The following SMYD3 variants were observed in gnomAD, a reference collection of about 807,000 sequenced individuals.
SMYD3 encodes SET and MYND domain containing 3, also known as histone-lysine N-methyltransferase SMYD3.
In SMYD3, 36 loss-of-function variants were observed where a neutral mutation model predicts 57.7. The ratio of observed to expected loss-of-function variants is 0.62; its 90% CI spans 0.48 to 0.82. The LOEUF is 0.82. SMYD3 is among the 40% of genes least tolerant of loss of function. The pLI is 0.00. For synonymous variants in SMYD3, 211 were observed against 195.0 expected (o/e 1.08, Z -0.68); for missense variants, 515 against 538.8 (o/e 0.96, Z 0.44).
intron 5 of SMYD3, among the ~76,000 whole-genome samples, chr1:245,985,207 C>A (rs890873626): frequency 6.6e-6 from 1 of 152,126 alleles, no homozygotes; most frequent in Admixed American, 6.5e-5. Context: ...TGGGACCTGT[C>A]CTTGGCTCTC....
rs561973630 is a variant in SMYD3, at chr1:246,495,775, A to C, written c.164+11279T>G. On this transcript the variant is annotated intron_variant, in intron 1 of 11. Coordinates refer to ENST00000490107, the MANE Select transcript of SMYD3 (RefSeq NM_001167740.2). ...GAGTAAATGGCAAAACCCCATCTCT[A>C]CCAAAAATACCAAATAAAAAAAAAA... is the stretch of plus-strand genomic sequence containing the variant. Among the ~76,000 whole-genome samples the C allele has an allele frequency of 1.5e-3, 222 of 151,430 alleles. 2 individuals carry two copies. Among genetic ancestry groups the C allele is most frequent in the East Asian group, 9.8e-4 (5 of 5,118 alleles).
chr1:246,299,213 G>A (rs543626785), intron 5 of SMYD3, among the ~76,000 whole-genome samples: 8 of 152,064 alleles, frequency 5.3e-5, no homozygotes, highest in South Asian at 4.2e-4. Context: ...AAATTTTAAT[G>A]TTACATGCAG....
chr1:246,423,210 T>C (rs1257644549), intron 1 of SMYD3, among the ~76,000 whole-genome samples: 1 of 148,930 alleles, frequency 6.7e-6, no homozygotes, highest in Non-Finnish European at 1.5e-5. Flanking sequence ...GGCAGGAGAA[T>C]CACTTGAACC....
chr1:246,188,124 T>C (rs1366801661), intron 5 of SMYD3, among the ~76,000 whole-genome samples: 1 of 152,178 alleles, frequency 6.6e-6, no homozygotes, highest in Non-Finnish European at 1.5e-5. Flanking sequence ...GACCTTCATG[T>C]TTTCTCCCTG....
intron 1 of SMYD3, among the ~76,000 whole-genome samples, chr1:246,385,344 A>G (rs1408757791): frequency 4.6e-5 from 7 of 152,102 alleles, no homozygotes. Context: ...CTTAGGATAT[A>G]CCCATTTCCT....
At chr1:246,500,228 G>A (rs997520380) in intron 1 of SMYD3, among the ~76,000 whole-genome samples, 3 of 152,190 alleles carry the variant, frequency 2.0e-5, no homozygotes, top group Admixed American at 6.5e-5. Context: ...TAGCTGCAAG[G>A]GAGGTTGAGA....
At chr1:246,337,821 G>C (rs1345739061) in intron 2 of SMYD3, among the ~76,000 whole-genome samples, 1 of 152,180 alleles carries the variant, frequency 6.6e-6, no homozygotes, top group African/African-American at 2.4e-5. Flanking sequence ...TCAGCCTCCT[G>C]ATAGCTTACC....
intron 5 of SMYD3, among the ~76,000 whole-genome samples, chr1:246,056,161 A>C (rs554820933): frequency 6.6e-6 from 1 of 151,874 alleles, no homozygotes; most frequent in East Asian, 1.9e-4. Context: ...AATTAAATAG[A>C]TTCATTTAAC....
At chr1:245,793,706 C>T (rs1429688054) in intron 10 of SMYD3, among the ~76,000 whole-genome samples, 1 of 152,146 alleles carries the variant, frequency 6.6e-6, no homozygotes, top group East Asian at 1.9e-4. Flanking sequence ...CTTGCCCTCC[C>T]ATCCATATAG....
chr1:246,367,737 AT>A (rs2066130060), intron 1 of SMYD3, among the ~76,000 whole-genome samples: 1 of 152,196 alleles, frequency 6.6e-6, no homozygotes, highest in African/African-American at 2.4e-5. Context: ...CAGCCAAAAA[AT>A]AATCTTAAAA....
At chr1:246,194,632 T>C (rs2062802513) in intron 5 of SMYD3, among the ~76,000 whole-genome samples, 1 of 152,236 alleles carries the variant, frequency 6.6e-6, no homozygotes, top group Non-Finnish European at 1.5e-5. Context: ...CATCTAGAGC[T>C]GTGCTATCCA....
chr1:246,370,309 A>C (rs2066173522), intron 1 of SMYD3, among the ~76,000 whole-genome samples: 1 of 152,232 alleles, frequency 6.6e-6, no homozygotes, highest in South Asian at 2.1e-4. Context: ...AATGAACCAT[A>C]ATACAAAACC....
chr1:246,067,078 G>A (rs2060355564), intron 5 of SMYD3, among the ~76,000 whole-genome samples: 1 of 152,112 alleles, frequency 6.6e-6, no homozygotes, highest in South Asian at 2.1e-4. Context: ...TCCTTTTGAA[G>A]TCACGTACCA....
intron 10 of SMYD3, among the ~76,000 whole-genome samples, chr1:245,807,269 C>T (rs1443978113): frequency 6.6e-6 from 1 of 151,956 alleles, no homozygotes; most frequent in African/African-American, 2.4e-5. Context: ...CCATCAGCCT[C>T]AGGTCAGCAA....
intron 8 of SMYD3, among the ~76,000 whole-genome samples, chr1:245,885,915 T>C (rs757657125): frequency 1.3e-5 from 2 of 152,236 alleles, no homozygotes; most frequent in Non-Finnish European, 2.9e-5. Flanking sequence ...AGGCTGCTTG[T>C]TACTCCCATT....
At chr1:245,827,621 T>C (rs2049574901) in intron 10 of SMYD3, among the ~76,000 whole-genome samples, 1 of 41,392 alleles carries the variant, frequency 2.4e-5, no homozygotes, top group African/African-American at 4.0e-5. Flanking sequence ...CATCATGTCC[T>C]ACTCTATGAT....
chr1:246,048,131 C>T (rs771654290), intron 5 of SMYD3, among the ~76,000 whole-genome samples: 3 of 152,056 alleles, frequency 2.0e-5, no homozygotes, highest in Non-Finnish European at 4.4e-5. Context: ...ACGTGAATCA[C>T]AAAAAAGGAA....
intron 5 of SMYD3, chr1:246,186,633 C>T (rs982044117): frequency 2.1e-6 from 1 of 483,648 alleles, no homozygotes. Context: ...GACCCAAGTT[C>T]ATTTCATATC....
intron 5 of SMYD3, among the ~76,000 whole-genome samples, chr1:246,208,939 T>A (rs4478780): frequency 6.6e-5 from 10 of 151,878 alleles, no homozygotes; most frequent in African/African-American, 2.2e-4. Flanking sequence ...AAAGGTCAAA[T>A]AATATATGAT....
Sources: allele counts gnomAD v4.1 joint callset (sites outside exome capture counted in the v4.1 genomes callset), GRCh38; gene constraint gnomAD v4.1.1; transcripts MANE v1.5; gene names NCBI Gene and HGNC (gene_info 2026-07-23, HGNC 2026-07-21).